Variants in KCNH3 observed in about 807,000 individuals in gnomAD.
The protein encoded by KCNH3 is potassium voltage-gated channel subfamily H member 3.
A neutral mutation model predicts 95.6 loss-of-function variants in KCNH3; 36 were observed. That is an observed-to-expected ratio of 0.38 (90% CI 0.29 to 0.50). The LOEUF is 0.50. Ranked by LOEUF, KCNH3 falls within the 20% of genes least tolerant of loss-of-function variation. The pLI, the probability that KCNH3 is intolerant of heterozygous loss-of-function variation, is 0.95. For missense variants in KCNH3, 1,030 were observed against 1,484.1 expected (o/e 0.69, Z 5.03); for synonymous variants, 620 against 646.3 (o/e 0.96, Z 0.62).
At position 49,549,468 on chromosome 12, in the gene KCNH3, A is replaced by G; in HGVS notation, c.1496A>G (p.Asn499Ser). 3 of 1,613,428 alleles carry G rather than the reference A, an allele frequency of 1.9e-6. No individual in the cohort carries two copies. Among genetic ancestry groups the G allele is most frequent in the Non-Finnish European group, 2.5e-6 (3 of 1,179,964 alleles). ...GALMHAVVFG[N>S]VTAIIQRMYA... Reference sequence around the variant, plus strand: ...CTGATGCACGCGGTGGTGTTTGGGAACGTGACGGCCATCATCCAGCGCATG... The same window carrying G: ...CTGATGCACGCGGTGGTGTTTGGGAGCGTGACGGCCATCATCCAGCGCATG... The change falls in exon 9 of 15, where the codon AAC becomes AGC. Residue 499 changes from asparagine to serine, a missense_variant. Asn to Ser is a conservative substitution (Grantham distance 46). This residue lies in a region of KCNH3 where 160 missense variants were observed against 316.2 expected (regional missense o/e 0.51). Coordinates refer to ENST00000257981, the MANE Select transcript of KCNH3 (RefSeq NM_012284.3).
intron 7 of KCNH3, among the ~76,000 whole-genome samples, chr12:49,546,592 T>A (rs1228967491): frequency 1.3e-5 from 2 of 152,208 alleles, no homozygotes; most frequent in Non-Finnish European, 2.9e-5. Flanking sequence ...TGGGCTGGAT[T>A]TTCACAAGAC....
intron 10 of KCNH3, among the ~76,000 whole-genome samples, chr12:49,551,378 C>G (rs1168062203): frequency 6.6e-6 from 1 of 152,078 alleles, no homozygotes; most frequent in Non-Finnish European, 1.5e-5. Flanking sequence ...GAGTTCAAGA[C>G]CAGCCTGGCC....
intron 7 of KCNH3, among the ~76,000 whole-genome samples, chr12:49,548,091 A>T (rs1431399777): frequency 7.4e-6 from 1 of 134,298 alleles, no homozygotes; most frequent in Non-Finnish European, 1.6e-5. Flanking sequence ...CTAGCCTGTG[A>T]CTACGTGTGT....
rs766279190 is a variant in KCNH3 at position 49,557,802 on chromosome 12, G to A, written c.3101G>A (p.Ser1034Asn). 9 of 1,605,482 alleles carry A rather than the reference G, an allele frequency of 5.6e-6. No individual in the cohort carries two copies. The African/African-American group carries it at 8.0e-5, about 14-fold the overall frequency. ...GARTGPAEPV[S>N]QAEATSTGEP... is the part of the protein sequence containing the mutation. Reference sequence around the variant, plus strand: ...AGGACTGGGCCCGCAGAGCCTGTGAGCCAGGCTGAGGCTACCAGCACTGGA... The same window carrying A: ...AGGACTGGGCCCGCAGAGCCTGTGAACCAGGCTGAGGCTACCAGCACTGGA... Residue 1034 changes from serine (S) to asparagine (N), a missense_variant, in exon 15 of 15, where the codon AGC becomes AAC. Ser to Asn is a conservative substitution (Grantham distance 46, BLOSUM62 1). Around this residue, in one of 9 missense-constraint regions of KCNH3, gnomAD observed 464 missense variants for 493.2 expected, o/e 0.94. Transcript: ENST00000257981.
chr12:49,539,507 C>G lies in KCNH3; in HGVS notation c.76+15C>G. 2 of 1,587,162 alleles carry G rather than the reference C, an allele frequency of 1.3e-6. No individual in the cohort carries two copies. Among genetic ancestry groups the G allele is most frequent in the Non-Finnish European group, 1.7e-6 (2 of 1,168,544 alleles). ...CGACGGCACGCGTGAGTCCGACCCT[C>G]GCCCACTTGCACCCGGGCCGCCGGA... On this transcript the variant is annotated intron_variant, in intron 1 of 14. Coordinates refer to ENST00000257981, the MANE Select transcript of KCNH3 (RefSeq NM_012284.3). This position sits in a 1 kb window ranked among gnomAD's most constrained non-coding sequence, Gnocchi z 6.7.
chr12:49,551,542 C>A (rs1240991049), intron 10 of KCNH3, among the ~76,000 whole-genome samples: 3 of 142,714 alleles, frequency 2.1e-5, no homozygotes, highest in African/African-American at 8.0e-5. Flanking sequence ...CACCACTGCA[C>A]TCCAGCCTGG....
At position 49,541,117 on chromosome 12, in the gene KCNH3, C is replaced by T; in HGVS notation, c.295C>T (p.Leu99=). Residue 99 remains leucine (L), a synonymous_variant, in exon 2 of 15, where the codon CTG becomes TTG. Coordinates refer to ENST00000257981, the MANE Select transcript of KCNH3 (RefSeq NM_012284.3). Reference sequence around the variant, plus strand: ...CAAGGAGTTCAAGGCTGAGCTGATCCTGTACCGGAAGAGCGGTGAGGGGCC... The same window carrying T: ...CAAGGAGTTCAAGGCTGAGCTGATCTTGTACCGGAAGAGCGGTGAGGGGCC... The part of the protein sequence containing the change: ...EHKEFKAELI[L]YRKSGLPFWC... 6.2e-7 allele frequency: 1 copy of T among 1,605,172 alleles called. No homozygotes were observed.
intron 7 of KCNH3, among the ~76,000 whole-genome samples, chr12:49,548,654 A>G (rs1285136519): frequency 6.6e-6 from 1 of 152,100 alleles, no homozygotes; most frequent in Non-Finnish European, 1.5e-5. Flanking sequence ...GGTGCCAGCC[A>G]TGGGGGAAGG....
intron 11 of KCNH3, among the ~76,000 whole-genome samples, 196 bp from the exon 12 acceptor site, chr12:49,555,424 G>A (rs575512898): frequency 6.7e-6 from 1 of 150,276 alleles, no homozygotes; most frequent in South Asian, 2.1e-4. Flanking sequence ...TCCAGCCTGG[G>A]CGACAGAGTA....
intron 6 of KCNH3, 34 bp from the exon 7 acceptor site, chr12:49,544,141 T>TCCCCACC: frequency 7.1e-7 from 1 of 1,413,408 alleles, no homozygotes. Context: ...CCCGCTGACC[T>TCCCCACC]CCCTCCCTCC....
intron 6 of KCNH3, 34 bp from the exon 7 acceptor site, chr12:49,544,141 T>TCCCC: frequency 7.1e-7 from 1 of 1,413,418 alleles, no homozygotes; most frequent in Non-Finnish European, 9.7e-7. Flanking sequence ...CCCGCTGACC[T>TCCCC]CCCTCCCTCC....
At position 49,557,163 on chromosome 12, in the gene KCNH3, C is replaced by G; in HGVS notation, c.2576-20C>G. 2 of 1,613,722 alleles carry G rather than the reference C, an allele frequency of 1.2e-6. No homozygotes were observed. The highest frequency in any genetic ancestry group is 1.7e-6 in the Non-Finnish European group (2 of 1,179,746). Reference sequence around the variant, plus strand: ...TCCTCTTACCAGCCCCAGCTGATAACCCCATCCTACTACCCACAGAGAGCG... The same window carrying G: ...TCCTCTTACCAGCCCCAGCTGATAAGCCCATCCTACTACCCACAGAGAGCG... On this transcript the variant is annotated intron_variant, in intron 13 of 14. Coordinates refer to ENST00000257981, the MANE Select transcript of KCNH3 (RefSeq NM_012284.3).
Position 49,550,168 on chromosome 12 carries a change from C to T in KCNH3, c.1757C>T (p.Ala586Val). Reference sequence around the variant, plus strand: ...CTGCAGCTGCCACTGTTTGAGGCGGCCAGCCGCGGCTGCCTGCGGGCACTG... The same window carrying T: ...CTGCAGCTGCCACTGTTTGAGGCGGTCAGCCGCGGCTGCCTGCGGGCACTG... The part of the protein sequence containing the change: ...EVLQLPLFEA[A>V]SRGCLRALSL... The change falls in exon 10 of 15, where the codon GCC (alanine) becomes GTC (valine). Residue 586 changes from alanine to valine, a missense_variant. Physicochemically the swap from Ala to Val is moderately conservative, Grantham distance 64. Coordinates refer to ENST00000257981, the MANE Select transcript of KCNH3 (RefSeq NM_012284.3). The T allele has an allele frequency of 1.2e-6, 2 of 1,608,938 alleles. No homozygotes were observed. Among genetic ancestry groups the T allele is most frequent in the African/African-American group, 2.7e-5 (2 of 75,062 alleles).
chr12:49,549,231 G>A lies in KCNH3; in HGVS notation c.1468+58G>A, dbSNP rs561266288. ...ACTCCCAGACTTCTGCCCGCAGGCG[G>A]CGCCGTCCCACTCCCCGGAGGGCCT... On this transcript the variant is annotated intron_variant, in intron 8 of 14. Transcript: ENST00000257981. The A allele has an allele frequency of 1.6e-5, 25 of 1,527,102 alleles. 1 individual carries two copies. In the Admixed American group the frequency reaches 5.0e-4, roughly 30 times the overall value. The allele number at this position is 1,527,102 out of a possible 1,614,324, so 94.6% of individuals were successfully genotyped here. A position where few individuals can be genotyped will look rare whatever the true frequency, so the allele number is the denominator to read the frequency against.
intron 8 of KCNH3, 133 bp downstream of exon 8, chr12:49,549,306 G>A (rs777982919): frequency 5.0e-5 from 73 of 1,456,924 alleles, no homozygotes; most frequent in Non-Finnish European, 5.4e-5. Flanking sequence ...CGAGGCCGGG[G>A]GTGGGGGAGA....
Position 49,558,018 on chromosome 12 carries a change from G to A in KCNH3, c.*65G>A. The A allele has an allele frequency of 7.1e-7, 1 of 1,417,558 alleles. No homozygotes were observed. Among genetic ancestry groups the A allele is most frequent in the Non-Finnish European group, 9.2e-7 (1 of 1,081,156 alleles). 87.8% of individuals were successfully genotyped at this position (1,417,558 alleles called of 1,614,324 possible). A position where few individuals can be genotyped will look rare whatever the true frequency, so the allele number is the denominator to read the frequency against. On this transcript the variant is annotated 3_prime_UTR_variant, in exon 15 of 15. Transcript: ENST00000257981. ...ATCTGCTGTTCGGCCCAACCTCAGAGTGAAGGCAGGGTGGCAGCCTCCCCA... is the reference window on the plus strand; with the variant it reads ...ATCTGCTGTTCGGCCCAACCTCAGAATGAAGGCAGGGTGGCAGCCTCCCCA...
At chr12:49,544,424 G>T in intron 7 of KCNH3, 42 bp downstream of exon 7, 1 of 1,594,600 alleles carries the variant, frequency 6.3e-7, no homozygotes. Context: ...AGGGAGTTGT[G>T]TCAGAGGAGT....
chr12:49,557,474 G>T lies in KCNH3; in HGVS notation c.2773G>T (p.Gly925Trp). 6.2e-7 allele frequency: 1 copy of T among 1,611,280 alleles called. No individual in the cohort carries two copies. The highest frequency in any genetic ancestry group is 8.5e-7 in the Non-Finnish European group (1 of 1,179,450). ...EGPCPRASGE[G>W]PCPASTSGLL... The stretch of plus-strand genomic sequence containing the variant: ...TCCGTGCCCTCGGGCATCGGGAGAG[G>T]GGCCGTGCCCAGCCAGCACCTCCGG... The change falls in exon 15 of 15, where the codon GGG becomes TGG. Residue 925 changes from glycine to tryptophan, a missense_variant. Coordinates refer to ENST00000257981, the MANE Select transcript of KCNH3 (RefSeq NM_012284.3).
chr12:49,549,589 G>A lies in KCNH3; in HGVS notation c.1617G>A (p.Leu539=), dbSNP rs1184858635. ...RIPKPLKQRM[L]EYFQATWAVN... ...CCAAGCCCCTCAAGCAGCGCATGCT[G>A]GAGTACTTCCAGGCCACCTGGGCGG... is the stretch of plus-strand genomic sequence containing the variant. The change falls in exon 9 of 15, where the codon CTG becomes CTA. Residue 539 remains leucine (L), a synonymous_variant. Coordinates refer to ENST00000257981, the MANE Select transcript of KCNH3 (RefSeq NM_012284.3). 4 of 1,612,708 alleles carry A rather than the reference G, an allele frequency of 2.5e-6. No individual in the cohort carries two copies. Among genetic ancestry groups the A allele is most frequent in the Non-Finnish European group, 3.4e-6 (4 of 1,180,044 alleles).
Sources: gnomAD v4.1 joint callset for allele counts (sites outside exome capture counted in the v4.1 genomes callset) on GRCh38, gnomAD v4.1.1 for gene constraint, gnomAD v4.1.1 regional missense constraint, Gnocchi (gnomAD v3.1) non-coding constraint, MANE v1.5 for transcripts, NCBI Gene and HGNC (gene_info 2026-07-23, HGNC 2026-07-21) for gene names.